Variants in TMEM232 observed in about 807,000 individuals in gnomAD.
The protein encoded by TMEM232 is transmembrane protein 232.
Under a neutral mutation model 78.8 loss-of-function variants are expected in TMEM232, and 80 were observed. The ratio of observed to expected loss-of-function variants is 1.01; its 90% CI spans 0.85 to 1.22. The LOEUF is 1.22. Ranked by LOEUF, TMEM232 falls within the 50% of genes most tolerant of loss-of-function variation. TMEM232 has a pLI of 0.00. For missense variants in TMEM232, 881 were observed against 742.2 expected (o/e 1.19, Z -2.17); for synonymous variants, 297 against 254.3 (o/e 1.17, Z -1.60).
intron 1 of TMEM232, among the ~76,000 whole-genome samples, chr5:110,712,696 C>G (rs938439744): frequency 1.3e-5 from 2 of 151,998 alleles, no homozygotes; most frequent in East Asian, 3.9e-4. Flanking sequence ...TTTGTATAGC[C>G]CACTCGAGGA....
chr5:110,560,573 T>A (rs2149655068), intron 11 of TMEM232, among the ~76,000 whole-genome samples: 1 of 152,044 alleles, frequency 6.6e-6, no homozygotes, highest in East Asian at 1.9e-4. Context: ...TATCCAGAAT[T>A]TACAAAGATC....
chr5:110,647,448 A>T (rs1787650275), intron 2 of TMEM232, among the ~76,000 whole-genome samples: 1 of 151,996 alleles, frequency 6.6e-6, no homozygotes, highest in South Asian at 2.1e-4. Flanking sequence ...CGCAATGTCC[A>T]TTAATATACC....
intron 2 of TMEM232, among the ~76,000 whole-genome samples, chr5:110,658,169 TG>T (rs1199953042): frequency 6.6e-6 from 1 of 152,132 alleles, no homozygotes; most frequent in African/African-American, 2.4e-5. Context: ...CTCACTGATT[TG>T]GGGTCTGGGC....
intron 1 of TMEM232, among the ~76,000 whole-genome samples, chr5:110,737,265 A>C (rs1799274183): frequency 6.6e-6 from 1 of 150,564 alleles, no homozygotes; most frequent in African/African-American, 2.4e-5. Flanking sequence ...ATACACTTTA[A>C]ATAATAAATT....
chr5:110,470,074 C>A (rs1216844369), intron 12 of TMEM232, among the ~76,000 whole-genome samples: 1 of 152,152 alleles, frequency 6.6e-6, no homozygotes, highest in Non-Finnish European at 1.5e-5. Context: ...CCAAGTCTAA[C>A]TATCCCAGGG....
intron 10 of TMEM232, among the ~76,000 whole-genome samples, chr5:110,600,372 G>A (rs147156938): frequency 0.012 from 1,833 of 152,176 alleles, 37 homozygotes; most frequent in African/African-American, 0.042. Context: ...ATGAATCCAG[G>A]AGCTGGTTTT....
chr5:110,541,282 T>C (rs1261900731), intron 11 of TMEM232, among the ~76,000 whole-genome samples: 1 of 152,118 alleles, frequency 6.6e-6, no homozygotes, highest in African/African-American at 2.4e-5. Flanking sequence ...ACAAAATGCC[T>C]CCTCTAATAG....
At chr5:110,685,261 G>A (rs1167177088) in intron 1 of TMEM232, among the ~76,000 whole-genome samples, 2 of 151,748 alleles carry the variant, frequency 1.3e-5, no homozygotes, top group African/African-American at 4.8e-5. Flanking sequence ...TAACAGCAAA[G>A]GAAAGCTAAA....
intron 1 of TMEM232, among the ~76,000 whole-genome samples, chr5:110,701,970 A>T (rs1221343125): frequency 6.6e-6 from 1 of 151,996 alleles, no homozygotes. Flanking sequence ...ACTACACATA[A>T]ATCCAAATTG....
chr5:110,708,761 C>A (rs181307859), intron 1 of TMEM232, among the ~76,000 whole-genome samples: 31 of 152,022 alleles, frequency 2.0e-4, no homozygotes, highest in African/African-American at 6.5e-4. Context: ...GAAATTAAGT[C>A]ATACCACCAG....
At chr5:110,678,104 G>A (rs1473501609) in intron 1 of TMEM232, among the ~76,000 whole-genome samples, 2 of 151,960 alleles carry the variant, frequency 1.3e-5, no homozygotes, top group Non-Finnish European at 2.9e-5. Flanking sequence ...TCACTCTGTC[G>A]CCCAGGCTAG....
chr5:110,665,449 T>C (rs957536093), intron 2 of TMEM232, among the ~76,000 whole-genome samples: 2 of 152,014 alleles, frequency 1.3e-5, no homozygotes, highest in Non-Finnish European at 2.9e-5. Flanking sequence ...CAGTTCCGCA[T>C]GGCTGGGGAG....
In TMEM232 at chr5:110,564,538, A is replaced by G. The variant is rs1776109263; in HGVS notation, c.1455+3909T>C. Among the ~76,000 whole-genome samples, 4 of 152,160 alleles carry G rather than the reference A, an allele frequency of 2.6e-5. No individual in the cohort carries two copies. The South Asian group carries it at 8.3e-4, about 32-fold the overall frequency. On this transcript the variant is annotated intron_variant, in intron 11 of 13. Transcript: ENST00000455884. ...CAACATACTGTGTAATGGAAAACTTAAAAGTAAGATAGACCAATAATTTGC... is the reference window on the plus strand; with the variant it reads ...CAACATACTGTGTAATGGAAAACTTGAAAGTAAGATAGACCAATAATTTGC...
intron 12 of TMEM232, among the ~76,000 whole-genome samples, chr5:110,468,888 G>A (rs1401302343): frequency 6.6e-6 from 1 of 152,112 alleles, no homozygotes; most frequent in Non-Finnish European, 1.5e-5. Context: ...TATGTCAAAG[G>A]AGTACCAGAA....
At chr5:110,480,879 TAAC>T (rs1276275798) in intron 12 of TMEM232, among the ~76,000 whole-genome samples, 2 of 152,100 alleles carry the variant, frequency 1.3e-5, no homozygotes, top group Non-Finnish European at 2.9e-5. Context: ...TGGTCAGTAG[TAAC>T]AAATAATAAA....
At chr5:110,509,027 T>C (rs1277771054) in intron 12 of TMEM232, among the ~76,000 whole-genome samples, 1 of 145,758 alleles carries the variant, frequency 6.9e-6, no homozygotes, top group Admixed American at 6.9e-5. Context: ...TATACAATTA[T>C]ATATACACAC....
intron 11 of TMEM232, among the ~76,000 whole-genome samples, chr5:110,565,703 T>A (rs1249594236): frequency 6.6e-6 from 1 of 151,950 alleles, no homozygotes; most frequent in Non-Finnish European, 1.5e-5. Context: ...GTTTAAACAT[T>A]CTCCAGTTAT....
chr5:110,560,834 A>G (rs923252023), intron 11 of TMEM232, among the ~76,000 whole-genome samples: 1 of 152,304 alleles, frequency 6.6e-6, no homozygotes, highest in East Asian at 1.9e-4. Flanking sequence ...AGCTCCAGCC[A>G]ATAAATCTGA....
chr5:110,656,063 AAAC>A (rs1394346972), intron 2 of TMEM232, among the ~76,000 whole-genome samples: 2 of 152,034 alleles, frequency 1.3e-5, no homozygotes, highest in African/African-American at 4.8e-5. Flanking sequence ...AATAAAAAAA[AAAC>A]AATACTTTAA....
Sources: allele counts gnomAD v4.1 joint callset (sites outside exome capture counted in the v4.1 genomes callset), GRCh38; gene constraint gnomAD v4.1.1; transcripts MANE v1.5; gene names NCBI Gene and HGNC (gene_info 2026-07-23, HGNC 2026-07-21).